NOS1AP: variants seen among roughly 807,000 people sequenced by gnomAD.
NOS1AP encodes the protein carboxyl-terminal PDZ ligand of neuronal nitric oxide synthase protein.
NOS1AP carries 21 observed loss-of-function variants against 56.2 expected under a neutral mutation model. That is an observed-to-expected ratio of 0.37 (90% CI 0.26 to 0.54). NOS1AP has a LOEUF of 0.54. Among genes scored for constraint, NOS1AP ranks in the 20% least tolerant of loss-of-function variants. The probability of loss-of-function intolerance (pLI) is 0.84; values close to 1 mark genes in which losing one functional copy is unlikely to be tolerated. For missense variants in NOS1AP, 522 were observed against 657.8 expected (o/e 0.79, Z 2.26); for synonymous variants, 270 against 274.6 (o/e 0.98, Z 0.17).
intron 4 of NOS1AP, among the ~76,000 whole-genome samples, chr1:162,323,968 C>T (rs1449158037): frequency 6.6e-6 from 1 of 152,156 alleles, no homozygotes. Context: ...CTGCATATAA[C>T]ACTTGAAGGA....
intron 1 of NOS1AP, among the ~76,000 whole-genome samples, chr1:162,093,565 A>C (rs1006401892): frequency 6.6e-6 from 1 of 150,462 alleles, no homozygotes; most frequent in Non-Finnish European, 1.5e-5. Flanking sequence ...ATTTTATTTT[A>C]TTTTTTTTTG....
intron 3 of NOS1AP, among the ~76,000 whole-genome samples, chr1:162,295,322 C>T (rs950605623): frequency 6.6e-6 from 1 of 152,114 alleles, no homozygotes. Context: ...TACCAAGACT[C>T]CAAGTCTTTA....
chr1:162,337,070 C>T (rs1158199046), intron 5 of NOS1AP, among the ~76,000 whole-genome samples: 1 of 152,226 alleles, frequency 6.6e-6, no homozygotes, highest in Non-Finnish European at 1.5e-5. Context: ...TGCATGGTCT[C>T]TTGACCTCTC....
chr1:162,224,784 G>A (rs564886247), intron 2 of NOS1AP, among the ~76,000 whole-genome samples: 4 of 152,244 alleles, frequency 2.6e-5, no homozygotes, highest in African/African-American at 9.6e-5. Flanking sequence ...CAGGAGAATT[G>A]ACCAGAATCT....
Position 162,349,700 on chromosome 1 carries a change from G to GT in NOS1AP, c.596-5483dup, listed in dbSNP as rs578117170. 3.9e-5 allele frequency among the ~76,000 whole-genome samples: 6 copies of GT among 152,298 alleles called. No individual in the cohort carries two copies. The East Asian group carries it at 9.6e-4, about 24-fold the overall frequency. ...GTTATAAGTACCCACTGTTTATTAA[G>GT]TTTTCCAATGCAGACTCCAGAATAC... On this transcript the variant is annotated intron_variant, in intron 6 of 9. Transcript: ENST00000361897.
chr1:162,082,894 T>C lies in NOS1AP; in HGVS notation c.105+12612T>C, dbSNP rs769744353. ...CTTGGTTGTGTCCTTTTTTTCTTTTTTTTTTTTTTTTTTTTTTTTTGAGAC... is the reference window on the plus strand; with the variant it reads ...CTTGGTTGTGTCCTTTTTTTCTTTTCTTTTTTTTTTTTTTTTTTTTGAGAC... On this transcript the variant is annotated intron_variant, in intron 1 of 9. Transcript: ENST00000361897. Among the ~76,000 whole-genome samples the C allele has an allele frequency of 7.2e-3, 34 of 4,704 alleles. 4 individuals are homozygous for C. The Non-Finnish European group carries it at 0.21, about 30-fold the overall frequency. The allele number at this position is 4,704 out of a possible 152,430, so 3.1% of individuals were successfully genotyped here.
In NOS1AP at chr1:162,333,119, G is replaced by A; in HGVS notation, c.447G>A (p.Lys149=). 1 of 1,610,846 alleles carries A rather than the reference G, an allele frequency of 6.2e-7. No homozygotes were observed. Among genetic ancestry groups the A allele is most frequent in the African/African-American group, 1.3e-5 (1 of 74,968 alleles). ...NIFRCNVFKS[K]KKSQAMRIVR... ...TCAGGTGTAACGTCTTTAAATCCAA[G>A]AAGAAGGTAAAGAGGCGGTTGCCGT... Residue 149 remains lysine, a synonymous_variant, in exon 5 of 10, where the codon AAG becomes AAA. Transcript: ENST00000361897.
intron 1 of NOS1AP, among the ~76,000 whole-genome samples, chr1:162,081,774 AT>A (rs59767273): frequency 0.028 from 1,240 of 44,078 alleles, 80 homozygotes; most frequent in South Asian, 0.1. Flanking sequence ...ATATATATAT[AT>A]TTTTTTTTTG....
At chr1:162,282,533 AT>A (rs1198941708) in intron 2 of NOS1AP, among the ~76,000 whole-genome samples, 2 of 152,182 alleles carry the variant, frequency 1.3e-5, no homozygotes, top group Non-Finnish European at 2.9e-5. Flanking sequence ...CAGATTTTGT[AT>A]CTTACTGTCT....
At chr1:162,299,546 A>T (rs1347074295) in intron 3 of NOS1AP, among the ~76,000 whole-genome samples, 2 of 152,218 alleles carry the variant, frequency 1.3e-5, no homozygotes, top group East Asian at 3.8e-4. Context: ...GTGTTGCTCC[A>T]AATAGGTAAT....
intron 2 of NOS1AP, among the ~76,000 whole-genome samples, chr1:162,263,347 G>C (rs1452921055): frequency 2.6e-5 from 4 of 152,200 alleles, no homozygotes; most frequent in African/African-American, 9.7e-5. Context: ...AAGATGGAAG[G>C]GCAAGAGAGA....
At chr1:162,363,013 C>T in intron 8 of NOS1AP, 1 of 570,882 alleles carries the variant, frequency 1.8e-6, no homozygotes, top group Non-Finnish European at 2.2e-6. Flanking sequence ...CTTTTTCCCA[C>T]ACACCAAGCA....
intron 2 of NOS1AP, among the ~76,000 whole-genome samples, chr1:162,177,272 A>G (rs544468985): frequency 5.9e-5 from 9 of 152,154 alleles, no homozygotes; most frequent in Non-Finnish European, 1.3e-4. Flanking sequence ...TTAATTAGGA[A>G]CTTAACCCTG....
At chr1:162,136,080 A>C (rs979335060) in intron 1 of NOS1AP, among the ~76,000 whole-genome samples, 5 of 152,200 alleles carry the variant, frequency 3.3e-5, no homozygotes, top group Non-Finnish European at 7.3e-5. Context: ...GTACTATAAA[A>C]ATGGCCTCAA....
chr1:162,368,543 G>A lies in NOS1AP; in HGVS notation c.*1076G>A, dbSNP rs1362220106. 6.6e-6 allele frequency: 1 copy of A among 152,240 alleles called. No homozygotes were observed. Among genetic ancestry groups the A allele is most frequent in the Non-Finnish European group, 1.5e-5 (1 of 68,042 alleles). The allele number at this position is 152,240 out of a possible 1,614,324, so 9.4% of individuals were successfully genotyped here. ...CCACTCTTCTGAATCACTGCCACTT[G>A]GGTCAGGGACCACAGCCATTGCCAC... On this transcript the variant is annotated 3_prime_UTR_variant, in exon 10 of 10. Transcript: ENST00000361897.
At chr1:162,227,491 C>T (rs1170218970) in intron 2 of NOS1AP, among the ~76,000 whole-genome samples, 1 of 152,214 alleles carries the variant, frequency 6.6e-6, no homozygotes, top group Non-Finnish European at 1.5e-5. Context: ...TCAGAACCAT[C>T]CTCCTGTGTG....
At chr1:162,232,878 T>C (rs558416939) in intron 2 of NOS1AP, among the ~76,000 whole-genome samples, 223 of 152,330 alleles carry the variant, frequency 1.5e-3, no homozygotes, top group African/African-American at 5.2e-3. Flanking sequence ...AACCCTATGA[T>C]ACATAGGTAT....
chr1:162,336,234 C>G (rs1656935351), intron 5 of NOS1AP, among the ~76,000 whole-genome samples: 1 of 152,140 alleles, frequency 6.6e-6, no homozygotes, highest in African/African-American at 2.4e-5. Context: ...CACAGCAGCC[C>G]TGTGAGGTAG....
At chr1:162,263,040 A>G (rs1654290326) in intron 2 of NOS1AP, among the ~76,000 whole-genome samples, 1 of 152,168 alleles carries the variant, frequency 6.6e-6, no homozygotes, top group African/African-American at 2.4e-5. Flanking sequence ...CTCTGTGAGT[A>G]CTCAAGAACA....
Sources: gnomAD v4.1 joint callset for allele counts (sites outside exome capture counted in the v4.1 genomes callset) on GRCh38, gnomAD v4.1.1 for gene constraint, MANE v1.5 for transcripts, NCBI Gene and HGNC (gene_info 2026-07-23, HGNC 2026-07-21) for gene names.